UPRT: variants seen among roughly 807,000 people sequenced by gnomAD.
The protein encoded by UPRT is RP11-311P8.3.
UPRT carries 5 observed loss-of-function variants against 22.6 expected under a neutral mutation model. The observed-to-expected ratio is 0.22, with a 90% CI of 0.12 to 0.47. The LOEUF is 0.47. UPRT is among the 20% of genes least tolerant of loss of function. UPRT has a pLI of 0.99. For synonymous variants in UPRT, 77 were observed against 87.7 expected (o/e 0.88, Z 0.68); for missense variants, 181 against 239.9 (o/e 0.75, Z 1.62).
Position 75,171,226 on chromosome X carries a change from A to G in UPRT, c.-447+3347A>G, listed in dbSNP as rs535983867. Among the ~76,000 whole-genome samples, 111 of 111,418 alleles carry G rather than the reference A, an allele frequency of 1.0e-3. 1 individual carries two copies. The South Asian group carries it at 0.034, about 34-fold the overall frequency. The stretch of plus-strand genomic sequence containing the variant: ...ACACTAATTATTCTTGGGTCTGGTC[A>G]TTTAACATAATCCCAACCTTCTTGG... On this transcript the variant is annotated intron_variant, in intron 4 of 13. Coordinates refer to the UPRT transcript ENST00000652605.
chrX:75,271,510 A>G (rs1364378485), upstream of UPRT, among the ~76,000 whole-genome samples: 2 of 112,469 alleles, frequency 1.8e-5, no homozygotes, highest in Non-Finnish European at 3.8e-5. Context: ...TGGATTAAGG[A>G]CTGAAATCTA....
At chrX:75,195,166 G>A (rs2082329438) in intron 4 of UPRT, among the ~76,000 whole-genome samples, 1 of 112,473 alleles carries the variant, frequency 8.9e-6, no homozygotes, top group Non-Finnish European at 1.9e-5. Flanking sequence ...GATGGCATGG[G>A]TGGGCTGGTA....
intron 4 of UPRT, among the ~76,000 whole-genome samples, chrX:75,218,231 A>C (rs2082399294): frequency 1.8e-5 from 2 of 111,337 alleles, no homozygotes; most frequent in African/African-American, 6.5e-5. Flanking sequence ...GGTGAAGGAC[A>C]TGAACAGACA....
At chrX:75,230,046 C>A (rs988569267) in intron 4 of UPRT, among the ~76,000 whole-genome samples, 6 of 111,837 alleles carry the variant, frequency 5.4e-5, no homozygotes, top group Non-Finnish European at 1.1e-4. Flanking sequence ...CTCCAGCTGC[C>A]TGGATATAAA....
intron 4 of UPRT, 94 bp downstream of exon 4, chrX:75,297,647 A>C: frequency 2.0e-6 from 2 of 987,097 alleles, no homozygotes; most frequent in Non-Finnish European, 2.9e-6. Context: ...TCATAATTGC[A>C]GCCTGCCTTT....
At chrX:75,296,739 G>A (rs2082727127) in intron 3 of UPRT, among the ~76,000 whole-genome samples, 1 of 111,420 alleles carries the variant, frequency 9.0e-6, no homozygotes, top group Non-Finnish European at 1.9e-5. Flanking sequence ...AGCTGCTGGT[G>A]AGCACAAATG....
chrX:75,179,817 G>C (rs771828573), intron 4 of UPRT, among the ~76,000 whole-genome samples: 24 of 112,692 alleles, frequency 2.1e-4, no homozygotes, highest in Non-Finnish European at 3.9e-4. Flanking sequence ...TCCGAGCGCG[G>C]GGCCCGCCAA....
At chrX:75,188,890 G>A (rs1030588757) in intron 4 of UPRT, among the ~76,000 whole-genome samples, 4 of 111,440 alleles carry the variant, frequency 3.6e-5, no homozygotes, top group African/African-American at 6.5e-5. Flanking sequence ...GCTCGCACGC[G>A]CACCCACTGA....
chrX:75,179,887 G>A (rs1050547975), intron 4 of UPRT, among the ~76,000 whole-genome samples: 4 of 112,690 alleles, frequency 3.5e-5, no homozygotes, highest in East Asian at 5.6e-4. Context: ...CCCGGTTCCC[G>A]CTCCCGCCTC....
intron 4 of UPRT, among the ~76,000 whole-genome samples, chrX:75,195,352 A>C (rs2082329947): frequency 8.9e-6 from 1 of 112,512 alleles, no homozygotes; most frequent in African/African-American, 3.2e-5. Flanking sequence ...AGGGGTGCTC[A>C]GGTTGAACTG....
intron 4 of UPRT, among the ~76,000 whole-genome samples, chrX:75,257,298 G>A (rs1282544237): frequency 8.9e-6 from 1 of 111,798 alleles, no homozygotes; most frequent in Non-Finnish European, 1.9e-5. Flanking sequence ...TGCAGAAAAA[G>A]CATTCAACAA....
intron 4 of UPRT, among the ~76,000 whole-genome samples, chrX:75,256,656 A>C (rs1172622437): frequency 8.9e-6 from 1 of 112,217 alleles, no homozygotes; most frequent in Non-Finnish European, 1.9e-5. Flanking sequence ...AGAAAATCCA[A>C]ATAAACTCAC....
At chrX:75,249,166 CCAGCTAA>C (rs1235546656) in intron 4 of UPRT, among the ~76,000 whole-genome samples, 1 of 111,375 alleles carries the variant, frequency 9.0e-6, no homozygotes, top group Non-Finnish European at 1.9e-5. Context: ...AGCAAAATAA[CCAGCTAA>C]CATCATAATG....
chrX:75,246,268 C>A (rs922392617), intron 4 of UPRT, among the ~76,000 whole-genome samples: 1 of 78,933 alleles, frequency 1.3e-5, no homozygotes, highest in African/African-American at 4.9e-5. Flanking sequence ...CCCCACCCCA[C>A]GACAGGCCTC....
chrX:75,302,366 G>T (rs1055200934), intron 6 of UPRT, among the ~76,000 whole-genome samples: 1 of 111,189 alleles, frequency 9.0e-6, no homozygotes, highest in African/African-American at 3.3e-5. Context: ...AGTTCTAATA[G>T]TATACATGAG....
chrX:75,210,870 A>C (rs943748730), intron 4 of UPRT, among the ~76,000 whole-genome samples: 3 of 110,855 alleles, frequency 2.7e-5, no homozygotes, highest in Admixed American at 9.6e-5. Context: ...AGTTTTTTAG[A>C]TTATGTTGAA....
chrX:75,262,643 G>A (rs191695727), intron 4 of UPRT, among the ~76,000 whole-genome samples: 2 of 111,351 alleles, frequency 1.8e-5, no homozygotes, highest in African/African-American at 6.5e-5. Context: ...AAAAACTGCA[G>A]GGGTTGCAAT....
At chrX:75,172,911 A>G (rs1290357789) in intron 4 of UPRT, among the ~76,000 whole-genome samples, 1 of 111,036 alleles carries the variant, frequency 9.0e-6, no homozygotes, top group East Asian at 2.8e-4. Context: ...GAGCGAAAGA[A>G]CAAATCTTCC....
chrX:75,199,847 A>G (rs1348521547), intron 4 of UPRT, among the ~76,000 whole-genome samples: 1 of 111,768 alleles, frequency 8.9e-6, no homozygotes, highest in Non-Finnish European at 1.9e-5. Flanking sequence ...GCACCCTTCA[A>G]CCCGTCACCA....
Sources: allele counts gnomAD v4.1 joint callset (sites outside exome capture counted in the v4.1 genomes callset), GRCh38; gene constraint gnomAD v4.1.1; transcripts MANE v1.5; gene names NCBI Gene and HGNC (gene_info 2026-07-23, HGNC 2026-07-21).